The following SPAG16 variants were observed in gnomAD, a reference collection of about 807,000 sequenced individuals.
The protein encoded by SPAG16 is sperm associated antigen 16.
A neutral mutation model predicts 80.4 loss-of-function variants in SPAG16; 86 were observed. That is an observed-to-expected ratio of 1.07 (90% CI 0.90 to 1.28). The LOEUF (loss-of-function observed/expected upper bound fraction) is 1.28. Among genes scored for constraint, SPAG16 ranks in the 50% most tolerant of loss-of-function variants. The probability of loss-of-function intolerance (pLI) is 0.00; values close to 1 mark genes in which losing one functional copy is unlikely to be tolerated. For synonymous variants in SPAG16, 294 were observed against 265.9 expected (o/e 1.11, Z -1.03); for missense variants, 870 against 765.3 (o/e 1.14, Z -1.61).
intron 10 of SPAG16, among the ~76,000 whole-genome samples, chr2:213,615,644 G>C (rs1046935553): frequency 6.6e-6 from 1 of 152,074 alleles, no homozygotes; most frequent in African/African-American, 2.4e-5. Context: ...TATTTTGCAA[G>C]TGTAGACATG....
intron 13 of SPAG16, among the ~76,000 whole-genome samples, chr2:214,042,311 G>A (rs1195488309): frequency 1.3e-5 from 2 of 151,764 alleles, no homozygotes; most frequent in South Asian, 2.1e-4. Flanking sequence ...ACTTGACCCG[G>A]ATATATATTA....
At chr2:214,142,296 A>C (rs2055402607) in intron 14 of SPAG16, among the ~76,000 whole-genome samples, 1 of 152,138 alleles carries the variant, frequency 6.6e-6, no homozygotes, top group South Asian at 2.1e-4. Context: ...CTCTTTATTC[A>C]AATCTTTGAG....
At chr2:214,119,069 A>G (rs2054088983) in intron 14 of SPAG16, among the ~76,000 whole-genome samples, 1 of 152,156 alleles carries the variant, frequency 6.6e-6, no homozygotes, top group South Asian at 2.1e-4. Flanking sequence ...ATGTATCAAA[A>G]TATCACATTG....
intron 9 of SPAG16, among the ~76,000 whole-genome samples, chr2:213,407,537 C>T (rs1386522408): frequency 2.6e-5 from 4 of 151,230 alleles, no homozygotes; most frequent in Admixed American, 6.6e-5. Context: ...CCTTTCTTCT[C>T]GGGAGAAGAA....
chr2:213,750,850 C>T (rs2068046372), intron 10 of SPAG16, among the ~76,000 whole-genome samples: 1 of 152,146 alleles, frequency 6.6e-6, no homozygotes, highest in African/African-American at 2.4e-5. Flanking sequence ...AATAATGCTT[C>T]CCTTAATATG....
At chr2:213,325,618 ATATGTG>A (rs961357003) in intron 5 of SPAG16, among the ~76,000 whole-genome samples, 12 of 42,524 alleles carry the variant, frequency 2.8e-4, no homozygotes, top group East Asian at 1.1e-3. Flanking sequence ...TTTTGGAAAA[ATATGTG>A]TGTGTGTGTG....
chr2:213,561,466 T>C (rs959776559), intron 10 of SPAG16, among the ~76,000 whole-genome samples: 1 of 152,184 alleles, frequency 6.6e-6, no homozygotes, highest in African/African-American at 2.4e-5. Context: ...CTTGAGTGGA[T>C]AGATATTCTA....
chr2:213,821,244 C>A (rs2072915104), intron 10 of SPAG16, among the ~76,000 whole-genome samples: 1 of 152,012 alleles, frequency 6.6e-6, no homozygotes, highest in Non-Finnish European at 1.5e-5. Context: ...GCCTTTTATT[C>A]TTCTCCAGTA....
intron 15 of SPAG16, among the ~76,000 whole-genome samples, chr2:214,375,597 C>T (rs1201835441): frequency 1.3e-5 from 2 of 152,214 alleles, no homozygotes; most frequent in South Asian, 4.1e-4. Context: ...CGCTGTGCAG[C>T]AATACTGTTC....
chr2:213,390,621 G>A (rs919804167), intron 9 of SPAG16, among the ~76,000 whole-genome samples: 4 of 152,072 alleles, frequency 2.6e-5, no homozygotes, highest in Non-Finnish European at 4.4e-5. Flanking sequence ...TTTTAAAAAC[G>A]TTTAAAGCAG....
rs2050579546 is a variant in SPAG16 at position 214,067,386 on chromosome 2, A to T, written c.1528-40810A>T. Among the ~76,000 whole-genome samples the T allele has an allele frequency of 1.3e-5, 2 of 152,182 alleles. 1 individual carries two copies. Among genetic ancestry groups the T allele is most frequent in the Non-Finnish European group, 2.9e-5 (2 of 68,038 alleles). On this transcript the variant is annotated intron_variant, in intron 13 of 15. Transcript: ENST00000331683. ...CAATAGAAATGGAGGTTTTAATAGT[A>T]GTCCTTATTGTGAACATCAAATATT...
In SPAG16 at chr2:213,586,612, T is replaced by G. The variant is rs147447655; in HGVS notation, c.1070+96522T>G. The stretch of plus-strand genomic sequence containing the variant: ...ACAGCCCCAAAAATCTTAACTCATT[T>G]CAGAATCTACCTTAAAGTCCAAGTT... On this transcript the variant is annotated intron_variant, in intron 10 of 15. Transcript: ENST00000331683. Among the ~76,000 whole-genome samples, 27 of 152,356 alleles carry G rather than the reference T, an allele frequency of 1.8e-4. 1 individual carries two copies. The East Asian group carries it at 5.2e-3, about 29-fold the overall frequency.
At chr2:213,772,007 G>A (rs1425124546) in intron 10 of SPAG16, among the ~76,000 whole-genome samples, 1 of 152,016 alleles carries the variant, frequency 6.6e-6, no homozygotes, top group Admixed American at 6.6e-5. Flanking sequence ...GTAGTTTAAT[G>A]GGAATAGCAT....
intron 10 of SPAG16, among the ~76,000 whole-genome samples, chr2:213,804,356 G>C (rs2125647090): frequency 6.6e-6 from 1 of 152,274 alleles, no homozygotes; most frequent in South Asian, 2.1e-4. Flanking sequence ...ACTAAGGATG[G>C]GCAAGGGGTA....
At chr2:213,346,058 G>C (rs996711382) in intron 6 of SPAG16, among the ~76,000 whole-genome samples, 1 of 152,028 alleles carries the variant, frequency 6.6e-6, no homozygotes, top group Non-Finnish European at 1.5e-5. Flanking sequence ...TTATTTCCTT[G>C]AGCAGTGGTT....
intron 9 of SPAG16, among the ~76,000 whole-genome samples, chr2:213,410,501 A>T (rs772810825): frequency 6.6e-5 from 10 of 152,324 alleles, no homozygotes; most frequent in South Asian, 2.1e-4. Context: ...TTTATGCTGT[A>T]GTTGGTCCAA....
intron 2 of SPAG16, among the ~76,000 whole-genome samples, chr2:213,296,485 T>G (rs2062502281): frequency 6.6e-6 from 1 of 152,190 alleles, no homozygotes; most frequent in Non-Finnish European, 1.5e-5. Flanking sequence ...GCGGAGGCCT[T>G]ATGCATCCTT....
At chr2:214,409,931 T>C (rs1444477927) in intron 15 of SPAG16, among the ~76,000 whole-genome samples, 1 of 152,208 alleles carries the variant, frequency 6.6e-6, no homozygotes, top group Non-Finnish European at 1.5e-5. Flanking sequence ...ATGTCCCAAT[T>C]AGAAAATTTT....
intron 15 of SPAG16, among the ~76,000 whole-genome samples, chr2:214,372,038 C>A (rs1699855923): frequency 6.6e-6 from 1 of 152,230 alleles, no homozygotes; most frequent in South Asian, 2.1e-4. Flanking sequence ...GCTAGACCTT[C>A]TCCTGTCTTC....
Sources: gnomAD v4.1 joint callset for allele counts (sites outside exome capture counted in the v4.1 genomes callset) on GRCh38, gnomAD v4.1.1 for gene constraint, MANE v1.5 for transcripts, NCBI Gene and HGNC (gene_info 2026-07-23, HGNC 2026-07-21) for gene names.